CYYR1: variants seen among roughly 807,000 people sequenced by gnomAD.
The protein encoded by CYYR1 is cysteine and tyrosine rich 1, also known as cysteine and tyrosine-rich protein 1.
A neutral mutation model predicts 15.2 loss-of-function variants in CYYR1; 14 were observed. The ratio of observed to expected loss-of-function variants is 0.92; its 90% CI spans 0.61 to 1.44. The LOEUF (loss-of-function observed/expected upper bound fraction) is 1.44. CYYR1 is among the 40% of genes most tolerant of loss of function. The pLI is 0.00. For synonymous variants in CYYR1, 80 were observed against 77.4 expected, an observed-to-expected ratio of 1.03 and a Z score of -0.18; for missense variants, 228 against 209.5, an observed-to-expected ratio of 1.09 and a Z score of -0.54.
chr21:26,523,034 G>A (rs563238923), intron 2 of CYYR1, among the ~76,000 whole-genome samples: 3 of 152,302 alleles, frequency 2.0e-5, no homozygotes, highest in Admixed American at 6.5e-5. Context: ...AAAATGGTAA[G>A]ATAGAGGAAA....
At chr21:26,521,671 A>G (rs1278049680) in intron 2 of CYYR1, among the ~76,000 whole-genome samples, 3 of 152,338 alleles carry the variant, frequency 2.0e-5, no homozygotes, top group African/African-American at 7.2e-5. Flanking sequence ...GAGAATGGTG[A>G]GCAAAACATT....
chr21:26,545,567 C>CTTTTTTTTTTTTTT lies in CYYR1; in HGVS notation c.176+20685_176+20698dup, dbSNP rs770885517. Among the ~76,000 whole-genome samples the CTTTTTTTTTTTTTT allele has an allele frequency of 4.3e-4, 32 of 73,750 alleles. 2 individuals carry two copies. The highest frequency in any genetic ancestry group is 1.8e-3 in the African/African-American group (31 of 16,976). The allele number at this position is 73,750 out of a possible 152,430, so 48.4% of individuals were successfully genotyped here. ...CCTTCTGGTTAATAAGATGCTTATTCTTTTTTTTTTTTTTTTTTTTTTTTT... is the reference window on the plus strand; with the variant it reads ...CCTTCTGGTTAATAAGATGCTTATTCTTTTTTTTTTTTTTTTTTTTTTTTTTTTTTTTTTTTTTT... On this transcript the variant is annotated intron_variant, in intron 2 of 3. Coordinates refer to ENST00000652641, the MANE Select transcript of CYYR1 (RefSeq NM_001320768.2).
At chr21:26,483,549 C>A (rs987997652) in intron 2 of CYYR1, 6 of 430,622 alleles carry the variant, frequency 1.4e-5, no homozygotes, top group African/African-American at 1.3e-4. Flanking sequence ...CATTTTTCTC[C>A]ATGAAAGCAT....
rs9636573 is a variant in CYYR1, at chr21:26,512,368, T to A, written c.177-31939A>T. On this transcript the variant is annotated intron_variant, in intron 2 of 3. Transcript: ENST00000652641. ...CGCATGCCACCATGCCTGGCTAATT[T>A]TTTTTTGTATTTTTAGTAGAAACGG... 2.0e-5 allele frequency among the ~76,000 whole-genome samples: 3 copies of A among 152,004 alleles called. No individual in the cohort carries two copies. In the East Asian group the frequency reaches 5.8e-4, roughly 30 times the overall value.
Position 26,546,632 on chromosome 21 carries a change from G to C in CYYR1, c.176+19634C>G, listed in dbSNP as rs1386341811. 4.6e-5 allele frequency among the ~76,000 whole-genome samples: 7 copies of C among 152,254 alleles called. No homozygotes were observed. In the East Asian group the frequency reaches 1.2e-3, roughly 25 times the overall value. Reference sequence around the variant, plus strand: ...AGTCATTTTAAAGCCTCTAGGGAGAGGAAATTGAAGTAGAAAGAGGTCATA... The same window carrying C: ...AGTCATTTTAAAGCCTCTAGGGAGACGAAATTGAAGTAGAAAGAGGTCATA... On this transcript the variant is annotated intron_variant, in intron 2 of 3. Transcript: ENST00000652641.
At chr21:26,478,539 C>A (rs1052299473) in intron 3 of CYYR1, among the ~76,000 whole-genome samples, 1 of 152,154 alleles carries the variant, frequency 6.6e-6, no homozygotes, top group Admixed American at 6.6e-5. Flanking sequence ...AAAGAATCTG[C>A]CTTTTACTTT....
At chr21:26,572,188 G>T (rs1487950329) in intron 1 of CYYR1, among the ~76,000 whole-genome samples, 1 of 152,184 alleles carries the variant, frequency 6.6e-6, no homozygotes, top group South Asian at 2.1e-4. Context: ...ACGTGTGTAA[G>T]ACACTTTATA....
intron 2 of CYYR1, among the ~76,000 whole-genome samples, chr21:26,561,568 T>C (rs997317866): frequency 7.2e-5 from 11 of 152,216 alleles, no homozygotes; most frequent in African/African-American, 2.4e-4. Flanking sequence ...TCACATTTCA[T>C]TGAGAAGAAA....
chr21:26,515,417 T>G (rs921094305), intron 2 of CYYR1, among the ~76,000 whole-genome samples: 2 of 152,140 alleles, frequency 1.3e-5, no homozygotes, highest in African/African-American at 2.4e-5. Context: ...TGGAGTGCAG[T>G]TGCACAATCT....
chr21:26,491,976 G>C (rs117589627), intron 2 of CYYR1, among the ~76,000 whole-genome samples: 1 of 152,140 alleles, frequency 6.6e-6, no homozygotes, highest in Non-Finnish European at 1.5e-5. Flanking sequence ...TCACAAGCCT[G>C]AGGCTGCCCA....
At chr21:26,474,159 G>T (rs2065071710) in intron 3 of CYYR1, among the ~76,000 whole-genome samples, 1 of 149,812 alleles carries the variant, frequency 6.7e-6, no homozygotes, top group African/African-American at 2.5e-5. Flanking sequence ...TGATTCTCCT[G>T]CCTCAGCATC....
At chr21:26,473,472 C>T (rs1275350417) in intron 3 of CYYR1, among the ~76,000 whole-genome samples, 1 of 152,192 alleles carries the variant, frequency 6.6e-6, no homozygotes, top group African/African-American at 2.4e-5. Flanking sequence ...CCTCACATCC[C>T]TCTGTCACCA....
chr21:26,491,931 G>T (rs756496911), intron 2 of CYYR1, among the ~76,000 whole-genome samples: 8 of 152,066 alleles, frequency 5.3e-5, no homozygotes, highest in Non-Finnish European at 1.0e-4. Context: ...TCAGTGATTT[G>T]CCTGGTTCTG....
intron 2 of CYYR1, among the ~76,000 whole-genome samples, chr21:26,482,816 TC>T (rs2065200490): frequency 6.6e-6 from 1 of 152,116 alleles, no homozygotes; most frequent in African/African-American, 2.4e-5. Flanking sequence ...TACCGTTTTT[TC>T]TTTTCTTTCT....
Position 26,514,413 on chromosome 21 carries a change from T to G in CYYR1, c.177-33984A>C, listed in dbSNP as rs368306027. Among the ~76,000 whole-genome samples, 5 of 152,282 alleles carry G rather than the reference T, an allele frequency of 3.3e-5. No individual in the cohort carries two copies. In the East Asian group the frequency reaches 9.7e-4, roughly 29 times the overall value. On this transcript the variant is annotated intron_variant, in intron 2 of 3. Coordinates refer to ENST00000652641, the MANE Select transcript of CYYR1 (RefSeq NM_001320768.2). ...AAAAAGAGCCTCACACCTCCCCTGCTCTTGCTTCCTCTATCACCATGTGAT... is the reference window on the plus strand; with the variant it reads ...AAAAAGAGCCTCACACCTCCCCTGCGCTTGCTTCCTCTATCACCATGTGAT...
intron 2 of CYYR1, among the ~76,000 whole-genome samples, chr21:26,519,397 G>T (rs1215540267): frequency 6.6e-6 from 1 of 152,136 alleles, no homozygotes; most frequent in Admixed American, 6.5e-5. Context: ...GAGACATCTG[G>T]GTAACAGCAT....
At chr21:26,559,364 G>C (rs906208413) in intron 2 of CYYR1, among the ~76,000 whole-genome samples, 8 of 151,950 alleles carry the variant, frequency 5.3e-5, no homozygotes, top group Non-Finnish European at 7.4e-5. Context: ...CTCCAAGTGA[G>C]GGTTTGCCTT....
At chr21:26,552,346 A>G (rs1366204846) in intron 2 of CYYR1, among the ~76,000 whole-genome samples, 1 of 152,098 alleles carries the variant, frequency 6.6e-6, no homozygotes, top group Non-Finnish European at 1.5e-5. Flanking sequence ...TTTGCATGGT[A>G]TATCTTTTTC....
chr21:26,568,850 C>T (rs972063099), intron 1 of CYYR1: 1 of 151,882 alleles, frequency 6.6e-6, no homozygotes, highest in Non-Finnish European at 1.5e-5. Flanking sequence ...ACAAACACAA[C>T]AAAAAAATGT....
Sources: gnomAD v4.1 joint callset for allele counts (sites outside exome capture counted in the v4.1 genomes callset) on GRCh38, gnomAD v4.1.1 for gene constraint, MANE v1.5 for transcripts, NCBI Gene and HGNC (gene_info 2026-07-23, HGNC 2026-07-21) for gene names.